Variants in SYNDIG1 observed in about 807,000 individuals in gnomAD.
SYNDIG1 encodes the protein synapse differentiation inducing 1, also known as synapse differentiation-inducing gene protein 1.
In SYNDIG1, 9 loss-of-function variants were observed where a neutral mutation model predicts 19.4. That is an observed-to-expected ratio of 0.46 (90% CI 0.28 to 0.81). The LOEUF (loss-of-function observed/expected upper bound fraction) is 0.81. Among genes scored for constraint, SYNDIG1 ranks in the 30% least tolerant of loss-of-function variants. The pLI is 0.12. For synonymous variants in SYNDIG1, 141 were observed against 145.9 expected, an observed-to-expected ratio of 0.97 and a Z score of 0.24; for missense variants, 311 against 343.3, an observed-to-expected ratio of 0.91 and a Z score of 0.74.
At chr20:24,552,826 G>A (rs2057732322) in intron 2 of SYNDIG1, among the ~76,000 whole-genome samples, 1 of 152,184 alleles carries the variant, frequency 6.6e-6, no homozygotes, top group African/African-American at 2.4e-5. Flanking sequence ...TATATACCCG[G>A]TAATGGGATG....
At chr20:24,528,086 C>T (rs1600528045) in intron 1 of SYNDIG1, among the ~76,000 whole-genome samples, 1 of 152,318 alleles carries the variant, frequency 6.6e-6, no homozygotes, top group East Asian at 1.9e-4. Context: ...TTTTCCTTCG[C>T]AATCAGTAAT....
intron 3 of SYNDIG1, among the ~76,000 whole-genome samples, chr20:24,632,446 G>T (rs561022703): frequency 3.5e-4 from 54 of 152,158 alleles, no homozygotes; most frequent in Non-Finnish European, 7.1e-4. Context: ...CACCACGTTG[G>T]CCAGGCTGGT....
intron 2 of SYNDIG1, among the ~76,000 whole-genome samples, chr20:24,553,713 C>A (rs1255662940): frequency 3.9e-5 from 6 of 152,168 alleles, no homozygotes; most frequent in Non-Finnish European, 8.8e-5. Context: ...GTTACTGTAG[C>A]CTTGTAGTAT....
chr20:24,580,444 T>C (rs576185247), intron 2 of SYNDIG1, among the ~76,000 whole-genome samples: 2 of 152,310 alleles, frequency 1.3e-5, no homozygotes, highest in South Asian at 4.1e-4. Context: ...GGAGCCTCAC[T>C]CTGTTGCCCC....
intron 1 of SYNDIG1, among the ~76,000 whole-genome samples, chr20:24,485,616 C>T (rs947656509): frequency 2.0e-5 from 3 of 151,998 alleles, no homozygotes; most frequent in South Asian, 4.1e-4. Context: ...TTCTTTATTT[C>T]GTACAGTAAT....
rs899534777 is a variant in SYNDIG1 at position 24,631,308 on chromosome 20, C to A, written c.619-34038C>A. ...AGAAGTGGAAGATGAAATGGTGACT[C>A]CTGCGGCGGGCATTGCCATGCGTCA... On this transcript the variant is annotated intron_variant, in intron 3 of 3. Transcript: ENST00000376862. Among the ~76,000 whole-genome samples the A allele has an allele frequency of 2.6e-5, 4 of 152,324 alleles. No individual in the cohort carries two copies. In the East Asian group the frequency reaches 5.8e-4, roughly 22 times the overall value.
chr20:24,555,980 T>C (rs532474662), intron 2 of SYNDIG1, among the ~76,000 whole-genome samples: 1 of 152,320 alleles, frequency 6.6e-6, no homozygotes, highest in Admixed American at 6.5e-5. Flanking sequence ...TTTATGAATC[T>C]GGGTGCTCCT....
In SYNDIG1 at chr20:24,482,189, T is replaced by G. The variant is rs1450506043; in HGVS notation, c.-79+12436T>G. Reference sequence around the variant, plus strand: ...AAAACATATGTGCATTTTTACTTGTTTTTTGGTTTTTGTTGTTGTTGTTGT... The same window carrying G: ...AAAACATATGTGCATTTTTACTTGTGTTTTGGTTTTTGTTGTTGTTGTTGT... On this transcript the variant is annotated intron_variant, in intron 1 of 3. Transcript: ENST00000376862. 2.6e-5 allele frequency among the ~76,000 whole-genome samples: 4 copies of G among 152,078 alleles called. No homozygotes were observed. The East Asian group carries it at 5.8e-4, about 22-fold the overall frequency.
chr20:24,568,096 G>A (rs1053527898), intron 2 of SYNDIG1, among the ~76,000 whole-genome samples: 10 of 152,222 alleles, frequency 6.6e-5, no homozygotes, highest in Non-Finnish European at 1.0e-4. Context: ...AGTTGAGATC[G>A]CGCTATTGCA....
At chr20:24,626,949 G>C (rs1380560036) in intron 3 of SYNDIG1, among the ~76,000 whole-genome samples, 2 of 152,246 alleles carry the variant, frequency 1.3e-5, no homozygotes, top group African/African-American at 2.4e-5. Flanking sequence ...GGCGGCGCGC[G>C]CCTGCAATCG....
intron 1 of SYNDIG1, among the ~76,000 whole-genome samples, chr20:24,507,925 CGCAGGGAAGCTGCCTTCCT>C (rs1006632327): frequency 6.6e-6 from 1 of 152,136 alleles, no homozygotes; most frequent in Non-Finnish European, 1.5e-5. Flanking sequence ...CAGGAACCTG[CGCAGGGAAGCTGCCTTCCT>C]GCAGGGAAGC....
intron 3 of SYNDIG1, among the ~76,000 whole-genome samples, chr20:24,649,658 C>T (rs2059450898): frequency 6.6e-6 from 1 of 152,092 alleles, no homozygotes; most frequent in Admixed American, 6.5e-5. Flanking sequence ...ATGAGTTCTC[C>T]CCTGACCAAA....
At chr20:24,660,061 T>C (rs1230896168) in intron 3 of SYNDIG1, among the ~76,000 whole-genome samples, 2 of 152,220 alleles carry the variant, frequency 1.3e-5, no homozygotes, top group African/African-American at 4.8e-5. Context: ...CCGGCTTCGT[T>C]TGTTCATCAC....
At chr20:24,657,974 C>CAG (rs2059545704) in intron 3 of SYNDIG1, among the ~76,000 whole-genome samples, 1 of 152,112 alleles carries the variant, frequency 6.6e-6, no homozygotes, top group Non-Finnish European at 1.5e-5. Context: ...GGAAGCCTGT[C>CAG]CCAGATCTCG....
At chr20:24,587,653 TG>T (rs1310524006) in intron 3 of SYNDIG1, among the ~76,000 whole-genome samples, 2 of 152,214 alleles carry the variant, frequency 1.3e-5, no homozygotes, top group Admixed American at 1.3e-4. Flanking sequence ...CGAGGCCAGC[TG>T]GGAGTGCGAA....
intron 1 of SYNDIG1, among the ~76,000 whole-genome samples, chr20:24,540,229 C>A (rs2057442134): frequency 6.6e-6 from 1 of 152,130 alleles, no homozygotes; most frequent in African/African-American, 2.4e-5. Context: ...TATAGAAATG[C>A]AGCTGATTTT....
In SYNDIG1 at chr20:24,658,899, T is replaced by C. The variant is rs2059556745; in HGVS notation, c.619-6447T>C. 6.6e-6 allele frequency among the ~76,000 whole-genome samples: 1 copy of C among 152,150 alleles called. No homozygotes were observed. The highest frequency in any genetic ancestry group is 2.1e-4 in the South Asian group (1 of 4,826). ...ATTAAAATTCGGTTCTGCAGTCACA[T>C]GAGCCATGCCCCAAGTGCCATGTAG... On this transcript the variant is annotated intron_variant, in intron 3 of 3. Coordinates refer to ENST00000376862, the MANE Select transcript of SYNDIG1 (RefSeq NM_024893.3). This position sits in a 1 kb window ranked among gnomAD's most constrained non-coding sequence, Gnocchi z 4.4.
intron 1 of SYNDIG1, among the ~76,000 whole-genome samples, chr20:24,527,393 C>T (rs1020266114): frequency 2.6e-5 from 4 of 152,038 alleles, no homozygotes; most frequent in African/African-American, 7.2e-5. Context: ...GTCACTTGCT[C>T]CTTCTTGTGT....
At chr20:24,649,753 CTACATG>C (rs1158409840) in intron 3 of SYNDIG1, among the ~76,000 whole-genome samples, 4 of 151,842 alleles carry the variant, frequency 2.6e-5, no homozygotes, top group Non-Finnish European at 4.4e-5. Flanking sequence ...TACCCATGGA[CTACATG>C]GTTTCTGTGC....
Sources: gnomAD v4.1 joint callset for allele counts (sites outside exome capture counted in the v4.1 genomes callset) on GRCh38, gnomAD v4.1.1 for gene constraint, Gnocchi (gnomAD v3.1) non-coding constraint, MANE v1.5 for transcripts, NCBI Gene and HGNC (gene_info 2026-07-23, HGNC 2026-07-21) for gene names.